Variants in MID1 observed in about 807,000 individuals in gnomAD.
MID1 encodes the protein midline 1.
MID1 carries 7 observed loss-of-function variants against 40.4 expected under a neutral mutation model. That is an observed-to-expected ratio of 0.17 (90% CI 0.10 to 0.33). MID1 has a LOEUF of 0.33. Among genes scored for constraint, MID1 ranks in the 10% least tolerant of loss-of-function variants. The probability of loss-of-function intolerance (pLI) is 1.00; values close to 1 mark genes in which losing one functional copy is unlikely to be tolerated. For missense variants in MID1, 367 were observed against 558.5 expected, an observed-to-expected ratio of 0.66 and a Z score of 3.46; for synonymous variants, 229 against 221.2, an observed-to-expected ratio of 1.04 and a Z score of -0.31.
chrX:10,566,497 T>TTCTCTCTCTC (rs1281393445), intron 2 of MID1, among the ~76,000 whole-genome samples: 1,201 of 71,864 alleles, frequency 0.017, 68 homozygotes, highest in African/African-American at 0.068. Flanking sequence ...TTATCTGTCA[T>TTCTCTCTCTC]TCTCTCTCTC....
intron 1 of MID1, among the ~76,000 whole-genome samples, chrX:10,806,169 A>T (rs752769746): frequency 3.6e-5 from 4 of 110,175 alleles, no homozygotes; most frequent in South Asian, 3.9e-4. Context: ...CTGAATGGTA[A>T]TGCCTAGGTT....
intron 2 of MID1, among the ~76,000 whole-genome samples, chrX:10,564,482 G>A (rs930403341): frequency 8.9e-6 from 1 of 111,773 alleles, no homozygotes; most frequent in African/African-American, 3.3e-5. Context: ...TTATTGAACG[G>A]CTGTAAATGT....
At chrX:10,624,710 A>G (rs1431140345), upstream of MID1, among the ~76,000 whole-genome samples, 2 of 111,985 alleles carry the variant, frequency 1.8e-5, no homozygotes, top group East Asian at 5.6e-4. Flanking sequence ...GTCTGGACTC[A>G]AGTGATTCTC....
rs764620421 is a variant in MID1, at chrX:10,507,629, C to T, written c.757-11938G>A. Reference sequence around the variant, plus strand: ...GGCATTGTCTGCATGGGCACCCACTCTTTCATTCAGATTAATTGGAGGTTA... The same window carrying T: ...GGCATTGTCTGCATGGGCACCCACTTTTTCATTCAGATTAATTGGAGGTTA... On this transcript the variant is annotated intron_variant, in intron 3 of 9. Transcript: ENST00000317552. 5.2e-4 allele frequency among the ~76,000 whole-genome samples: 59 copies of T among 112,760 alleles called. 1 individual carries two copies. The highest frequency in any genetic ancestry group is 1.9e-3 in the African/African-American group (59 of 31,081).
intron 1 of MID1, among the ~76,000 whole-genome samples, chrX:10,634,781 G>C (rs1182478448): frequency 2.7e-5 from 3 of 112,098 alleles, no homozygotes; most frequent in Non-Finnish European, 5.6e-5. Flanking sequence ...TGAATCAGTG[G>C]ATGCTTCACT....
At chrX:10,636,657 T>A (rs1936114107) in intron 1 of MID1, among the ~76,000 whole-genome samples, 1 of 106,633 alleles carries the variant, frequency 9.4e-6, no homozygotes, top group African/African-American at 3.4e-5. Context: ...AAGTTACTAT[T>A]TAAATGACTT....
chrX:10,611,341 G>A (rs918208547), intron 1 of MID1, among the ~76,000 whole-genome samples: 1 of 111,926 alleles, frequency 8.9e-6, no homozygotes, highest in Admixed American at 9.5e-5. Flanking sequence ...AAATGTGTTC[G>A]AAATCAACTG....
chrX:10,814,217 A>G (rs1361419815), intron 1 of MID1, among the ~76,000 whole-genome samples: 1 of 111,271 alleles, frequency 9.0e-6, no homozygotes, highest in Non-Finnish European at 1.9e-5. Context: ...ATCATATTTT[A>G]TTTTATTTTT....
intron 1 of MID1, among the ~76,000 whole-genome samples, chrX:10,594,021 G>C (rs1047259368): frequency 2.7e-5 from 3 of 111,455 alleles, no homozygotes; most frequent in Non-Finnish European, 5.6e-5. Flanking sequence ...CTTAGAGGGA[G>C]AAAAGATCAA....
intron 3 of MID1, among the ~76,000 whole-genome samples, chrX:10,508,484 T>C (rs1931955443): frequency 8.9e-6 from 1 of 112,260 alleles, no homozygotes; most frequent in Admixed American, 9.5e-5. Flanking sequence ...CAATTACATA[T>C]GTGGCTCACA....
chrX:10,780,885 C>G (rs766837211), intron 1 of MID1, among the ~76,000 whole-genome samples: 265 of 111,412 alleles, frequency 2.4e-3, no homozygotes, highest in Non-Finnish European at 4.3e-3. Context: ...CTAGATCTCT[C>G]TTGTGCGCAG....
At chrX:10,623,988 A>G (rs1209315122), upstream of MID1, among the ~76,000 whole-genome samples, 1 of 112,145 alleles carries the variant, frequency 8.9e-6, no homozygotes, top group African/African-American at 3.2e-5. Flanking sequence ...ATGAGTCCCC[A>G]CTTAGAAAAA....
intron 7 of MID1, 200 bp from the exon 8 acceptor site, chrX:10,460,007 T>C (rs1412171179): frequency 8.6e-6 from 4 of 467,763 alleles, no homozygotes; most frequent in African/African-American, 2.3e-5. Flanking sequence ...CTCCCTGCCC[T>C]GTATATCCAG....
chrX:10,702,586 T>C (rs1022464522), intron 1 of MID1, among the ~76,000 whole-genome samples: 5 of 112,472 alleles, frequency 4.4e-5, no homozygotes, highest in Non-Finnish European at 9.4e-5. Flanking sequence ...GTTGAATAAA[T>C]ATCACTGTGT....
At chrX:10,660,597 T>C (rs2042904319) in intron 1 of MID1, among the ~76,000 whole-genome samples, 1 of 112,413 alleles carries the variant, frequency 8.9e-6, no homozygotes, top group Non-Finnish European at 1.9e-5. Flanking sequence ...TGTTTTAAGG[T>C]CAGGATATTT....
At chrX:10,627,375 T>A (rs1327070583) in intron 1 of MID1, among the ~76,000 whole-genome samples, 1 of 112,165 alleles carries the variant, frequency 8.9e-6, no homozygotes, top group Non-Finnish European at 1.9e-5. Flanking sequence ...TCAAGGCTTA[T>A]GATAGTTTTT....
chrX:10,705,478 C>T (rs1044707374), intron 1 of MID1, among the ~76,000 whole-genome samples: 1 of 111,961 alleles, frequency 8.9e-6, no homozygotes, highest in Non-Finnish European at 1.9e-5. Flanking sequence ...AGTTCTACTC[C>T]GTAAATATTG....
chrX:10,747,839 T>G (rs1323591368), intron 1 of MID1, among the ~76,000 whole-genome samples: 1 of 112,691 alleles, frequency 8.9e-6, no homozygotes, highest in Non-Finnish European at 1.9e-5. Context: ...AAAGACATGC[T>G]TATGCATTTA....
chrX:10,556,715 T>C (rs1407557147), intron 2 of MID1, among the ~76,000 whole-genome samples: 1 of 112,286 alleles, frequency 8.9e-6, no homozygotes, highest in Non-Finnish European at 1.9e-5. Flanking sequence ...ACATGCAAAA[T>C]GTGTTTTCCT....
Sources: gnomAD v4.1 joint callset for allele counts (sites outside exome capture counted in the v4.1 genomes callset) on GRCh38, gnomAD v4.1.1 for gene constraint, MANE v1.5 for transcripts, NCBI Gene and HGNC (gene_info 2026-07-23, HGNC 2026-07-21) for gene names.